Variants in OR7E24 observed in about 807,000 individuals in gnomAD.
OR7E24 encodes the protein olfactory receptor 7E24.
For synonymous variants in OR7E24, 130 were observed against 157.5 expected (o/e 0.83, Z 1.31); for missense variants, 385 against 410.3 (o/e 0.94, Z 0.53).
chr19:9,250,244 G>A (rs117931310), upstream of OR7E24, among the ~76,000 whole-genome samples: 66 of 152,060 alleles, frequency 4.3e-4, no homozygotes, highest in East Asian at 8.4e-3. Flanking sequence ...ACAGGGCGGC[G>A]CCACCATGCC....
the OR7E24 span, among the ~76,000 whole-genome samples, chr19:9,226,965 T>C: frequency 2.0e-5 from 3 of 151,948 alleles, no homozygotes; most frequent in African/African-American, 7.3e-5. Context: ...GTCATAGGGG[T>C]TTGTTGTACA....
At chr19:9,250,241 G>A (rs372588266), upstream of OR7E24, among the ~76,000 whole-genome samples, 88 of 152,032 alleles carry the variant, frequency 5.8e-4, no homozygotes, top group African/African-American at 2.0e-3. Flanking sequence ...ACTACAGGGC[G>A]GCGCCACCAT....
At chr19:9,249,604 A>G (rs905193139), upstream of OR7E24, among the ~76,000 whole-genome samples, 1 of 152,238 alleles carries the variant, frequency 6.6e-6, no homozygotes, top group Non-Finnish European at 1.5e-5. Context: ...AGATCAAGAT[A>G]CATTTTAGAG....
the OR7E24 span, chr19:9,214,354 G>A: frequency 5.0e-6 from 8 of 1,614,006 alleles, no homozygotes; most frequent in Non-Finnish European, 5.9e-6. Flanking sequence ...CTCTTCATCA[G>A]TAGAATATGA....
At chr19:9,249,508 T>A (rs916912642), upstream of OR7E24, among the ~76,000 whole-genome samples, 1 of 152,180 alleles carries the variant, frequency 6.6e-6, no homozygotes, top group African/African-American at 2.4e-5. Flanking sequence ...ATTCAATTAC[T>A]TAAAGACCAT....
At chr19:9,243,839 T>C (rs1205633754), upstream of OR7E24, among the ~76,000 whole-genome samples, 2 of 152,240 alleles carry the variant, frequency 1.3e-5, no homozygotes, top group African/African-American at 2.4e-5. Context: ...CTGATGCAAC[T>C]TCAGCTGCAG....
the OR7E24 span, chr19:9,236,257 A>G: frequency 1.9e-6 from 1 of 522,276 alleles, no homozygotes; most frequent in Admixed American, 3.2e-5. Context: ...TTACACCTGT[A>G]ATCGCAGCAC....
At chr19:9,232,879 A>C in the OR7E24 span, among the ~76,000 whole-genome samples, 1 of 152,164 alleles carries the variant, frequency 6.6e-6, no homozygotes, top group African/African-American at 2.4e-5. Context: ...GGAAAGAAAA[A>C]TGATGAAAGA....
chr19:9,223,099 G>C, the OR7E24 span, among the ~76,000 whole-genome samples: 73 of 152,212 alleles, frequency 4.8e-4, no homozygotes, highest in South Asian at 8.3e-4. Flanking sequence ...GATGTTTCTT[G>C]TTGTTTAATT....
the OR7E24 span, among the ~76,000 whole-genome samples, chr19:9,227,552 A>G: frequency 6.6e-6 from 1 of 151,922 alleles, no homozygotes; most frequent in Non-Finnish European, 1.5e-5. Context: ...TTATGGCTGC[A>G]TAGTATTCCA....
upstream of OR7E24, chr19:9,247,370 C>T: frequency 2.5e-6 from 1 of 398,034 alleles, no homozygotes; most frequent in Non-Finnish European, 4.4e-6. Context: ...GGGCTCCACA[C>T]CTGTCGTCTG....
chr19:9,224,327 C>T, the OR7E24 span, among the ~76,000 whole-genome samples: 4,491 of 152,138 alleles, frequency 0.03, 214 homozygotes, highest in African/African-American at 0.098. Context: ...ATTGGTACCC[C>T]GTCATCAAGC....
the OR7E24 span, among the ~76,000 whole-genome samples, chr19:9,219,928 C>G: frequency 4.6e-5 from 7 of 152,140 alleles, no homozygotes; most frequent in Admixed American, 2.6e-4. Context: ...GAACTAAACT[C>G]AGGAATCATC....
the OR7E24 span, among the ~76,000 whole-genome samples, chr19:9,222,509 T>C: frequency 1.9e-4 from 29 of 152,214 alleles, no homozygotes; most frequent in African/African-American, 6.8e-4. Context: ...TGTACAAATT[T>C]TTCACCTCCT....
the OR7E24 span, among the ~76,000 whole-genome samples, chr19:9,233,978 C>T: frequency 6.6e-6 from 1 of 150,846 alleles, no homozygotes; most frequent in Non-Finnish European, 1.5e-5. Context: ...ATATCAGCTC[C>T]CTGCAACCTC....
At chr19:9,229,749 G>T in the OR7E24 span, among the ~76,000 whole-genome samples, 4 of 152,048 alleles carry the variant, frequency 2.6e-5, no homozygotes, top group East Asian at 3.9e-4. Context: ...AAAAACAATA[G>T]AACAATTTAT....
At chr19:9,221,019 A>G in the OR7E24 span, among the ~76,000 whole-genome samples, 1 of 152,124 alleles carries the variant, frequency 6.6e-6, no homozygotes, top group Non-Finnish European at 1.5e-5. Context: ...TCACGCCTGT[A>G]ATCCCAGCAC....
At chr19:9,236,108 G>T in the OR7E24 span, 1 of 1,194,740 alleles carries the variant, frequency 8.4e-7, no homozygotes, top group Non-Finnish European at 1.2e-6. Flanking sequence ...GAACTAAGAG[G>T]ATGCTATGGG....
chr19:9,217,920 TG>T, the OR7E24 span, among the ~76,000 whole-genome samples: 1 of 152,152 alleles, frequency 6.6e-6, no homozygotes, highest in Non-Finnish European at 1.5e-5. Context: ...GATTGTCCCA[TG>T]GGTCATTGAG....
Sources: gnomAD v4.1 joint callset for allele counts (sites outside exome capture counted in the v4.1 genomes callset) on GRCh38, gnomAD v4.1.1 for gene constraint, MANE v1.5 for transcripts, NCBI Gene and HGNC (gene_info 2026-07-23, HGNC 2026-07-21) for gene names.